Variants in CDH1 observed in about 807,000 individuals in gnomAD.
CDH1 encodes cadherin 1, also known as cadherin-1.
CDH1 carries 35 observed loss-of-function variants against 84.5 expected under a neutral mutation model. The observed-to-expected ratio is 0.41, with a 90% CI of 0.32 to 0.55. The LOEUF (loss-of-function observed/expected upper bound fraction) is 0.55, where lower values mean the gene tolerates loss of function less well. CDH1 is among the 20% of genes least tolerant of loss of function. CDH1 has a pLI of 0.19. For missense variants in CDH1, 994 were observed against 1,126.6 expected (o/e 0.88, Z 1.68); for synonymous variants, 417 against 439.0 (o/e 0.95, Z 0.63).
Position 68,810,125 on chromosome 16 carries a change from C to T in CDH1, c.688-72C>T, listed in dbSNP as rs183943559. The T allele has an allele frequency of 2.7e-5, 43 of 1,567,044 alleles. No individual in the cohort carries two copies. The African/African-American group carries it at 3.9e-4, about 14-fold the overall frequency. ...GTGGCAGCCAGGGGGGCGCACTCTG[C>T]TCTGGCTGGGCCCCTTCTCCCATGT... On this transcript the variant is annotated intron_variant, in intron 5 of 15. Transcript: ENST00000261769.
In CDH1 at chr16:68,823,614, CT is replaced by C; in HGVS notation, c.2154del (p.Ala719LeufsTer3). The C allele has an allele frequency of 6.2e-7, 1 of 1,610,476 alleles. No individual in the cohort carries two copies. The highest frequency in any genetic ancestry group is 8.5e-7 in the Non-Finnish European group (1 of 1,178,710). On this transcript the variant is annotated frameshift_variant, in exon 13 of 16. Transcript: ENST00000261769. LOFTEE classifies it high-confidence loss of function. ...CATTCTGGGGATTCTTGGAGGAATTCTTGCTTTGCTAAGTAAGTCCAGCTGG... is the reference window on the plus strand; with the variant it reads ...CATTCTGGGGATTCTTGGAGGAATTCTGCTTTGCTAAGTAAGTCCAGCTGG... Reference protein sequence around the residue: ...PAILGILGGILALLILILLLL... With the variant: ...PAILGILGGIXALLILILLLL...
At chr16:68,738,935 G>GTTTTTTTTT in intron 2 of CDH1, among the ~76,000 whole-genome samples, 1 of 18,160 alleles carries the variant, frequency 5.5e-5, no homozygotes, top group African/African-American at 1.9e-4. Context: ...AGATATAAAA[G>GTTTTTTTTT]CTTTTTTTTT....
Position 68,833,404 on chromosome 16 carries a change from G to C in CDH1, c.2554G>C (p.Glu852Gln). ...AASLSSLNSS[E>Q]SDKDQDYDYL... The stretch of plus-strand genomic sequence containing the variant: ...TAGTCTGAGCTCCCTGAACTCCTCA[G>C]AGTCAGACAAAGACCAGGACTATGA... Residue 852 changes from glutamate to glutamine, a missense_variant, in exon 16 of 16, where the codon GAG (glutamate) becomes CAG (glutamine). By Grantham distance (29) the Glu-to-Gln change is conservative. Around this residue, in one of 3 missense-constraint regions of CDH1, gnomAD observed 769 missense variants for 881.8 expected, o/e 0.87. Transcript: ENST00000261769. The C allele has an allele frequency of 1.2e-6, 2 of 1,614,134 alleles. No homozygotes were observed. Among genetic ancestry groups the C allele is most frequent in the Non-Finnish European group, 1.7e-6 (2 of 1,180,008 alleles).
chr16:68,738,481 C>A, intron 2 of CDH1, 70 bp downstream of exon 2: 1 of 1,058,322 alleles, frequency 9.4e-7, no homozygotes, highest in Non-Finnish European at 1.4e-6. Context: ...AAATTGCACT[C>A]CCACACCCCT....
chr16:68,808,878 C>A (rs372395365), intron 5 of CDH1, 30 bp downstream of exon 5: 1 of 1,611,030 alleles, frequency 6.2e-7, no homozygotes, highest in South Asian at 1.1e-5. Flanking sequence ...TTGTTGACAC[C>A]GGGGTAACAT....
chr16:68,833,396 ACTC>A lies in CDH1; in HGVS notation c.2550_2552del (p.Ser851del), dbSNP rs1408019740. 1 of 1,613,850 alleles carries A rather than the reference ACTC, an allele frequency of 6.2e-7. No homozygotes were observed. Among genetic ancestry groups the A allele is most frequent in the Non-Finnish European group, 8.5e-7 (1 of 1,179,946 alleles). On this transcript the variant is annotated inframe_deletion, in exon 16 of 16. Transcript: ENST00000261769. Reference sequence around the variant, plus strand: ...GAAGCTGCTAGTCTGAGCTCCCTGAACTCCTCAGAGTCAGACAAAGACCAGGAC... The same window carrying A: ...GAAGCTGCTAGTCTGAGCTCCCTGAACTCAGAGTCAGACAAAGACCAGGAC...
At chr16:68,759,015 C>G (rs1243846094) in intron 2 of CDH1, among the ~76,000 whole-genome samples, 2 of 152,098 alleles carry the variant, frequency 1.3e-5, no homozygotes, top group East Asian at 1.9e-4. Context: ...AGGCTGGTCT[C>G]AAACTCCTGA....
intron 3 of CDH1, among the ~76,000 whole-genome samples, chr16:68,806,076 T>C (rs1327006242): frequency 6.6e-6 from 1 of 152,148 alleles, no homozygotes; most frequent in African/African-American, 2.4e-5. Flanking sequence ...GCCTCCTGAG[T>C]AGCTTGAATT....
At position 68,834,259 on chromosome 16, in the gene CDH1, C is replaced by T. The variant is rs1009754009; in HGVS notation, c.*760C>T. Reference sequence around the variant, plus strand: ...ATGAGCCACTGCACCTGCCCAGCTCCCCAACTCCCTGCCATTTTTTAAGAG... The same window carrying T: ...ATGAGCCACTGCACCTGCCCAGCTCTCCAACTCCCTGCCATTTTTTAAGAG... On this transcript the variant is annotated 3_prime_UTR_variant, in exon 16 of 16. Transcript: ENST00000261769. 2.3e-5 allele frequency: 12 copies of T among 510,888 alleles called. No homozygotes were observed. Among genetic ancestry groups the T allele is most frequent in the Non-Finnish European group, 4.2e-5 (11 of 260,460 alleles). 31.6% of individuals were successfully genotyped at this position (510,888 alleles called of 1,614,324 possible). A position where few individuals can be genotyped will look rare whatever the true frequency, so the allele number is the denominator to read the frequency against.
At chr16:68,799,062 AG>A (rs1960432400) in intron 2 of CDH1, among the ~76,000 whole-genome samples, 1 of 152,220 alleles carries the variant, frequency 6.6e-6, no homozygotes, top group Admixed American at 6.5e-5. Context: ...AGACTCAAAC[AG>A]TGGTGATAAC....
In CDH1 at chr16:68,819,341, T is replaced by G; in HGVS notation, c.1627T>G (p.Ser543Ala). ...GATTAATCCGGACACTGGTGCCATT[T>G]CCACTCGGGCTGAGCTGGACAGGGA... ...LEINPDTGAI[S>A]TRAELDREDF... The change falls in exon 11 of 16, where the codon TCC becomes GCC. Residue 543 changes from serine to alanine, a missense_variant. Ser to Ala is a moderately conservative substitution (Grantham distance 99). This residue lies in a region of CDH1 where 769 missense variants were observed against 881.8 expected (regional missense o/e 0.87). Coordinates refer to ENST00000261769, the MANE Select transcript of CDH1 (RefSeq NM_004360.5). 1 of 1,614,144 alleles carries G rather than the reference T, an allele frequency of 6.2e-7. No homozygotes were observed.
At chr16:68,774,106 G>T (rs1959661374) in intron 2 of CDH1, among the ~76,000 whole-genome samples, 1 of 152,048 alleles carries the variant, frequency 6.6e-6, no homozygotes, top group African/African-American at 2.4e-5. Flanking sequence ...GTAGAGACAG[G>T]GTCTTGCTAT....
chr16:68,806,457 C>T (rs1450223865), intron 3 of CDH1, among the ~76,000 whole-genome samples: 2 of 152,056 alleles, frequency 1.3e-5, no homozygotes, highest in African/African-American at 4.8e-5. Context: ...GCCCAGGATA[C>T]AGTGATGATG....
In CDH1 at chr16:68,819,434, G is replaced by GC. The variant is rs1961082342; in HGVS notation, c.1711+11dup. On this transcript the variant is annotated intron_variant, in intron 11 of 15. Coordinates refer to ENST00000261769, the MANE Select transcript of CDH1 (RefSeq NM_004360.5). The stretch of plus-strand genomic sequence containing the variant: ...CATAGCTACAGACAATGGTAAGGGG[G>GC]CCTCATCTGAGCCTTTGCTGCCTCG... The GC allele has an allele frequency of 2.5e-6, 4 of 1,612,914 alleles. No individual in the cohort carries two copies. The South Asian group carries it at 3.3e-5, about 13-fold the overall frequency.
At position 68,823,455 on chromosome 16, in the gene CDH1, A is replaced by G. The variant is rs864622503; in HGVS notation, c.1993A>G (p.Ile665Val). 1.9e-6 allele frequency: 3 copies of G among 1,614,114 alleles called. No homozygotes were observed. Among genetic ancestry groups the G allele is most frequent in the African/African-American group, 2.7e-5 (2 of 75,038 alleles). The change falls in exon 13 of 16, where the codon ATC becomes GTC. Residue 665 changes from isoleucine to valine, a missense_variant. This residue lies in a region of CDH1 where 769 missense variants were observed against 881.8 expected (regional missense o/e 0.87). Transcript: ENST00000261769. ...KMALEVGDYK[I>V]NLKLMDNQNK... ...GGCCTTAGAGGTGGGTGACTACAAA[A>G]TCAATCTCAAGCTCATGGATAACCA... is the stretch of plus-strand genomic sequence containing the variant.
intron 9 of CDH1, among the ~76,000 whole-genome samples, chr16:68,813,977 C>T (rs1163872574): frequency 6.6e-6 from 1 of 151,910 alleles, no homozygotes; most frequent in African/African-American, 2.4e-5. Context: ...TGGCTCACGC[C>T]TGTAATCATA....
At chr16:68,780,290 T>C (rs1349423979) in intron 2 of CDH1, among the ~76,000 whole-genome samples, 1 of 152,032 alleles carries the variant, frequency 6.6e-6, no homozygotes, top group African/African-American at 2.4e-5. Flanking sequence ...CCTGTTTATT[T>C]TATTTTATTA....
At chr16:68,741,311 C>A (rs1297928380) in intron 2 of CDH1, among the ~76,000 whole-genome samples, 2 of 152,118 alleles carry the variant, frequency 1.3e-5, no homozygotes, top group Non-Finnish European at 2.9e-5. Context: ...CTGGTAAAAT[C>A]ACACGTTCAA....
rs1555516566 is a variant in CDH1, at chr16:68,819,389, A to G, written c.1675A>G (p.Ser559Gly). Reference sequence around the variant, plus strand: ...GGAGGATTTTGAGCACGTGAAGAACAGCACGTACACAGCCCTAATCATAGC... The same window carrying G: ...GGAGGATTTTGAGCACGTGAAGAACGGCACGTACACAGCCCTAATCATAGC... ...DREDFEHVKN[S>G]TYTALIIATD... Residue 559 changes from serine to glycine, a missense_variant, in exon 11 of 16, where the codon AGC (serine) becomes GGC (glycine). Around this residue, in one of 3 missense-constraint regions of CDH1, gnomAD observed 769 missense variants for 881.8 expected, o/e 0.87. Transcript: ENST00000261769. The G allele has an allele frequency of 6.2e-7, 1 of 1,613,970 alleles. No individual in the cohort carries two copies. The highest frequency in any genetic ancestry group is 8.5e-7 in the Non-Finnish European group (1 of 1,180,044).
Sources: allele counts gnomAD v4.1 joint callset (sites outside exome capture counted in the v4.1 genomes callset), GRCh38; gene constraint gnomAD v4.1.1; regional missense constraint gnomAD v4.1.1; transcripts MANE v1.5; gene names NCBI Gene and HGNC (gene_info 2026-07-23, HGNC 2026-07-21).